The following DNAH10 variants were observed in gnomAD, a reference collection of about 807,000 sequenced individuals.
DNAH10 encodes the protein axonemal beta dynein heavy chain 10.
DNAH10 carries 348 observed loss-of-function variants against 506.6 expected under a neutral mutation model. That is an observed-to-expected ratio of 0.69 (90% CI 0.63 to 0.75). The LOEUF (loss-of-function observed/expected upper bound fraction) is 0.75. Ranked by LOEUF, DNAH10 falls within the 30% of genes least tolerant of loss-of-function variation. DNAH10 has a pLI of 0.00. For synonymous variants in DNAH10, 2,059 were observed against 2,198.6 expected (o/e 0.94, Z 1.78); for missense variants, 5,179 against 5,787.1 (o/e 0.89, Z 3.41).
chr12:123,871,585 C>G lies in DNAH10; in HGVS notation c.7768C>G (p.Leu2590Val). The G allele has an allele frequency of 6.4e-7, 1 of 1,550,792 alleles. No homozygotes were observed. Among genetic ancestry groups the G allele is most frequent in the Non-Finnish European group, 8.7e-7 (1 of 1,147,054 alleles). The change falls in exon 45 of 79, where the codon CTG becomes GTG. Residue 2590 changes from leucine to valine, a missense_variant. Physicochemically the swap from Leu to Val is conservative, Grantham distance 32. Around this residue, in one of 3 missense-constraint regions of DNAH10, gnomAD observed 4,844 missense variants for 5,430.5 expected, o/e 0.89. Transcript: ENST00000673944. The stretch of plus-strand genomic sequence containing the variant: ...CACTACCCAGAATTTCCTCAAAAAT[C>G]TGAGTGAAGAAACTAACGTAAGTCA... The part of the protein sequence containing the change: ...TATTQNFLKN[L>V]SEETNIVLMV...
rs769191436 is a variant in DNAH10, at chr12:123,861,127, A to G, written c.6865A>G (p.Ile2289Val). ...RDWTDGVLSN[I>V]FREINKPTDK... ...CTGGACAGATGGGGTGTTGTCAAAC[A>G]TCTTCAGGGAAATCAACAAGCCAAC... Residue 2289 changes from isoleucine (I) to valine (V), a missense_variant, in exon 39 of 79, where the codon ATC becomes GTC. Ile to Val is a conservative substitution (Grantham distance 29). Around this residue, in one of 3 missense-constraint regions of DNAH10, gnomAD observed 4,844 missense variants for 5,430.5 expected, o/e 0.89. Coordinates refer to ENST00000673944, the MANE Select transcript of DNAH10 (RefSeq NM_001372106.1). The G allele has an allele frequency of 1.9e-6, 3 of 1,614,008 alleles. No homozygotes were observed. The highest frequency in any genetic ancestry group is 8.5e-7 in the Non-Finnish European group (1 of 1,179,890).
chr12:123,881,296 A>G (rs1049085376), intron 50 of DNAH10, among the ~76,000 whole-genome samples: 2 of 152,102 alleles, frequency 1.3e-5, no homozygotes, highest in Non-Finnish European at 2.9e-5. Context: ...ATTTCTCCAC[A>G]TCCTCTCCAG....
Position 123,767,637 on chromosome 12 carries a change from A to G in DNAH10, c.246A>G (p.Glu82=). 6.2e-7 allele frequency: 1 copy of G among 1,612,958 alleles called. No homozygotes were observed. Among genetic ancestry groups the G allele is most frequent in the Non-Finnish European group, 8.5e-7 (1 of 1,179,412 alleles). Residue 82 remains glutamate, a synonymous_variant, in exon 2 of 79, where the codon GAA becomes GAG. Transcript: ENST00000673944. ...DEIPVLSEEG[E]EEEETYSQKV... is the part of the protein sequence containing the mutation. ...TACCTGTCCTGTCTGAAGAGGGAGA[A>G]GAGGAAGAAGAGACTTATTCTCAAA...
intron 51 of DNAH10, 138 bp downstream of exon 51, chr12:123,881,951 GT>G: frequency 2.3e-6 from 2 of 867,158 alleles, no homozygotes; most frequent in Non-Finnish European, 3.1e-6. Flanking sequence ...GTTTTGGTTT[GT>G]TTTATTTTTT....
chr12:123,877,770 A>T lies in DNAH10; in HGVS notation c.8234A>T (p.Lys2745Met). The change falls in exon 48 of 79, where the codon AAG becomes ATG. Residue 2745 changes from lysine (K) to methionine (M), a missense_variant. By Grantham distance (95) the Lys-to-Met change is moderately conservative (BLOSUM62 -1). Coordinates refer to ENST00000673944, the MANE Select transcript of DNAH10 (RefSeq NM_001372106.1). ...GAGAGCATTGTGGCTGTGAGTGGCAAGCTGACATTCTGCACGCTAGCACTT... is the reference window on the plus strand; with the variant it reads ...GAGAGCATTGTGGCTGTGAGTGGCATGCTGACATTCTGCACGCTAGCACTT... ...FHESIVAVSG[K>M]LTFCTLALYK... The T allele has an allele frequency of 2.5e-6, 4 of 1,613,786 alleles. No individual in the cohort carries two copies. The highest frequency in any genetic ancestry group is 3.4e-6 in the Non-Finnish European group (4 of 1,179,842).
At chr12:123,869,374 A>G (rs1951935211) in intron 43 of DNAH10, among the ~76,000 whole-genome samples, 1 of 152,004 alleles carries the variant, frequency 6.6e-6, no homozygotes, top group African/African-American at 2.4e-5. Flanking sequence ...CCCTCCGAGA[A>G]AACTCCAAGT....
intron 28 of DNAH10, among the ~76,000 whole-genome samples, chr12:123,837,341 C>CAA (rs145957562): frequency 1.0e-4 from 12 of 115,426 alleles, no homozygotes; most frequent in African/African-American, 2.1e-4. Flanking sequence ...GACTCTGTCT[C>CAA]AAAAAAAAAA....
At position 123,819,220 on chromosome 12, in the gene DNAH10, C is replaced by T. The variant is rs770008741; in HGVS notation, c.3970C>T (p.Pro1324Ser). The change falls in exon 23 of 79, where the codon CCT (proline) becomes TCT (serine). Residue 1324 changes from proline to serine, a missense_variant. Physicochemically the swap from Pro to Ser is moderately conservative, Grantham distance 74 (BLOSUM62 -1). Around this residue, in one of 3 missense-constraint regions of DNAH10, gnomAD observed 4,844 missense variants for 5,430.5 expected, o/e 0.89. Coordinates refer to ENST00000673944, the MANE Select transcript of DNAH10 (RefSeq NM_001372106.1). Reference sequence around the variant, plus strand: ...TGCAAAGCGTTTTTACAGTGAAGGCCCTGGTTCTGTTGGTGATGATCTTGA... The same window carrying T: ...TGCAAAGCGTTTTTACAGTGAAGGCTCTGGTTCTGTTGGTGATGATCTTGA... ...EFAKRFYSEG[P>S]GSVGDDLDKG... The T allele has an allele frequency of 3.1e-6, 5 of 1,613,064 alleles. No individual in the cohort carries two copies. The highest frequency in any genetic ancestry group is 2.2e-5 in the South Asian group (2 of 90,746).
chr12:123,933,336 C>T lies in DNAH10; in HGVS notation c.13302C>T (p.Thr4434=), dbSNP rs772992122. The T allele has an allele frequency of 1.3e-5, 20 of 1,564,338 alleles. 1 individual carries two copies. The highest frequency in any genetic ancestry group is 5.9e-5 in the South Asian group (5 of 85,400). ...TTGTCCTCTCTTCTCTCCAGGTGAC[C>T]GAGAGCGAGCCCAGCGTGATGTGGC... is the stretch of plus-strand genomic sequence containing the variant. ...RRFSQYMLWV[T]ESEPSVMWLS... The change falls in exon 77 of 79, where the codon ACC becomes ACT. Residue 4434 remains threonine (T), a synonymous_variant. Transcript: ENST00000673944.
Position 123,762,371 on chromosome 12 carries a change from G to C in DNAH10, c.35G>C (p.Arg12Pro). 7.3e-7 allele frequency: 1 copy of C among 1,364,400 alleles called. No individual in the cohort carries two copies. The highest frequency in any genetic ancestry group is 9.5e-7 in the Non-Finnish European group (1 of 1,055,120). 84.5% of individuals were successfully genotyped at this position (1,364,400 alleles called of 1,614,324 possible). A position where few individuals can be genotyped will look rare whatever the true frequency, so the allele number is the denominator to read the frequency against. The change falls in exon 1 of 79, where the codon CGC becomes CCC. Residue 12 changes from arginine (R) to proline (P), a missense_variant. Transcript: ENST00000673944. The surrounding 1 kb of genome is among the most constrained non-coding windows in gnomAD (Gnocchi z 5.0). ...DDLRVLWMRDRVYAAFGITDP... is the reference protein window; with the variant it reads ...DDLRVLWMRDPVYAAFGITDP... ...CTGCGGGTGCTGTGGATGCGCGACC[G>C]CGTGTATGCGGCTTTCGGCATCACC...
At chr12:123,854,665 G>C (rs1432365996) in intron 36 of DNAH10, among the ~76,000 whole-genome samples, 1 of 152,188 alleles carries the variant, frequency 6.6e-6, no homozygotes, top group African/African-American at 2.4e-5. Context: ...ATGTAAAACT[G>C]TGTTTGTACA....
At chr12:123,934,835 T>C in intron 78 of DNAH10, 69 bp downstream of exon 78, 5 of 1,591,248 alleles carry the variant, frequency 3.1e-6, no homozygotes, top group Non-Finnish European at 4.3e-6. Context: ...ATGGCTGAGG[T>C]GGTTTCCAAC....
chr12:123,781,427 G>T, intron 6 of DNAH10, 128 bp downstream of exon 6: 6 of 877,026 alleles, frequency 6.8e-6, no homozygotes, highest in Non-Finnish European at 1.0e-5. Context: ...TGGAGACGGG[G>T]TCTCACTTTG....
chr12:123,931,314 C>T (rs1414682627), intron 73 of DNAH10, 27 bp from the exon 74 acceptor site: 2 of 1,611,494 alleles, frequency 1.2e-6, no homozygotes, highest in African/African-American at 2.7e-5. Context: ...TGGACAGTGC[C>T]ACCTCCGTTG....
At chr12:123,898,906 C>A (rs1953387666) in intron 56 of DNAH10, 92 bp downstream of exon 56, 2 of 1,443,452 alleles carry the variant, frequency 1.4e-6, no homozygotes, top group South Asian at 1.5e-5. Context: ...CCATCCCGAG[C>A]AGGACAGGGC....
rs182918679 is a variant in DNAH10, at chr12:123,928,562, T to C, written c.12281T>C (p.Ile4094Thr). The C allele has an allele frequency of 2.0e-3, 3,140 of 1,606,676 alleles. 11 individuals are homozygous for C. Among genetic ancestry groups the C allele is most frequent in the South Asian group, 2.7e-3 (242 of 89,474 alleles). Residue 4094 changes from isoleucine (I) to threonine (T), a missense_variant, in exon 70 of 79, where the codon ATT becomes ACT. Ile to Thr is a moderately conservative substitution (Grantham distance 89, BLOSUM62 -1). Around this residue, in one of 3 missense-constraint regions of DNAH10, gnomAD observed 4,844 missense variants for 5,430.5 expected, o/e 0.89. Coordinates refer to ENST00000673944, the MANE Select transcript of DNAH10 (RefSeq NM_001372106.1). This position sits in a 1 kb window ranked among gnomAD's most constrained non-coding sequence, Gnocchi z 4.9. The part of the protein sequence containing the change: ...LTTDPTKGFP[I>T]GILQKSLKVV... The stretch of plus-strand genomic sequence containing the variant: ...ACGGACCCCACCAAGGGCTTCCCCA[T>C]TGGGATTCTGCAGAAGTCCCTAAAG...
intron 19 of DNAH10, among the ~76,000 whole-genome samples, chr12:123,812,234 G>A (rs1006688967): frequency 5.3e-5 from 8 of 151,958 alleles, no homozygotes; most frequent in Non-Finnish European, 7.4e-5. Flanking sequence ...GGCGGATCAC[G>A]AGGTCAGGAG....
Position 123,867,596 on chromosome 12 carries a change from A to G in DNAH10, c.7297A>G (p.Asn2433Asp). ...LKTIVPQTDL[N>D]MVTQLAKMLD... Reference sequence around the variant, plus strand: ...GACAATAGTTCCTCAGACAGACCTCAATATGGTAAGAAATGATCCCTGCTG... The same window carrying G: ...GACAATAGTTCCTCAGACAGACCTCGATATGGTAAGAAATGATCCCTGCTG... The change falls in exon 42 of 79, where the codon AAT becomes GAT. Residue 2433 changes from asparagine to aspartate, a missense_variant. Transcript: ENST00000673944. 6.2e-7 allele frequency: 1 copy of G among 1,613,286 alleles called. No homozygotes were observed. Among genetic ancestry groups the G allele is most frequent in the Non-Finnish European group, 8.5e-7 (1 of 1,179,570 alleles).
Position 123,853,211 on chromosome 12 carries a change from G to A in DNAH10, c.6297G>A (p.Leu2099=). ...TATTATCTTCTATCAAAAAGACTCT[G>A]GCGAAAAAGATGACGGTTCTGTATA... is the stretch of plus-strand genomic sequence containing the variant. ...FSEGFLEAKT[L]AKKMTVLYKL... is the part of the protein sequence containing the mutation. Residue 2099 remains leucine, a synonymous_variant, in exon 36 of 79, where the codon CTG becomes CTA. Coordinates refer to ENST00000673944, the MANE Select transcript of DNAH10 (RefSeq NM_001372106.1). This position sits in a 1 kb window ranked among gnomAD's most constrained non-coding sequence, Gnocchi z 4.7. The A allele has an allele frequency of 6.3e-7, 1 of 1,594,800 alleles. No individual in the cohort carries two copies. The highest frequency in any genetic ancestry group is 1.1e-5 in the South Asian group (1 of 87,912).
Sources: allele counts gnomAD v4.1 joint callset (sites outside exome capture counted in the v4.1 genomes callset), GRCh38; gene constraint gnomAD v4.1.1; regional missense constraint gnomAD v4.1.1; non-coding constraint Gnocchi (gnomAD v3.1); transcripts MANE v1.5; gene names NCBI Gene and HGNC (gene_info 2026-07-23, HGNC 2026-07-21).